The following ZNF397 variants were observed in gnomAD, a reference collection of about 807,000 sequenced individuals.
ZNF397 encodes zinc finger and SCAN domain-containing protein 15.
A neutral mutation model predicts 50.6 loss-of-function variants in ZNF397; 38 were observed. The observed-to-expected ratio is 0.75, with a 90% CI of 0.58 to 0.98. The LOEUF (loss-of-function observed/expected upper bound fraction) is 0.98, where lower values mean the gene tolerates loss of function less well. ZNF397 is among the 50% of genes least tolerant of loss of function. The pLI is 0.00. For synonymous variants in ZNF397, 228 were observed against 215.2 expected, an observed-to-expected ratio of 1.06 and a Z score of -0.52; for missense variants, 624 against 624.1, an observed-to-expected ratio of 1.00 and a Z score of 0.00.
At chr18:35,258,282 T>C in exon 6 of ZNF397, 1 of 375,936 alleles carries the variant, frequency 2.7e-6, no homozygotes, top group Non-Finnish European at 4.9e-6. Flanking sequence ...TAAATTTTGC[T>C]AAGTCCAAGG....
intron 2 of ZNF397, 53 bp downstream of exon 2, chr18:35,242,937 T>A: frequency 6.4e-7 from 1 of 1,552,090 alleles, no homozygotes; most frequent in Non-Finnish European, 8.7e-7. Context: ...CTGGAGCATG[T>A]AATGGTATCA....
downstream of ZNF397, chr18:35,251,883 GTCT>G (rs1261376307): frequency 1.3e-5 from 2 of 152,030 alleles, no homozygotes; most frequent in East Asian, 1.9e-4. Context: ...TGATCACCAA[GTCT>G]TCTTTAGAAA....
At chr18:35,254,147 T>C (rs745748257), downstream of ZNF397, 25 of 1,614,196 alleles carry the variant, frequency 1.5e-5, no homozygotes, top group Non-Finnish European at 2.0e-5. Flanking sequence ...GATTCTTCTG[T>C]TGAAGGTTGC....
At position 35,243,242 on chromosome 18, in the gene ZNF397, C is replaced by G. The variant is rs369217005; in HGVS notation, c.505C>G (p.Pro169Ala). 2 of 1,614,082 alleles carry G rather than the reference C, an allele frequency of 1.2e-6. No homozygotes were observed. Among genetic ancestry groups the G allele is most frequent in the African/African-American group, 2.7e-5 (2 of 74,924 alleles). Residue 169 changes from proline (P) to alanine (A), a missense_variant, in exon 3 of 4, where the codon CCC (proline) becomes GCC (alanine). Transcript: ENST00000330501. Reference protein sequence around the residue: ...SQESTDIHLQPLKTQLKSWKP... With the variant: ...SQESTDIHLQALKTQLKSWKP... The stretch of plus-strand genomic sequence containing the variant: ...AGAGTCAACAGACATCCACCTCCAG[C>G]CCTTAAAGACACAGCTGAAATCCTG...
At position 35,247,903 on chromosome 18, in the gene ZNF397, C is replaced by T. The variant is rs2043509021; in HGVS notation, c.*1593C>T. On this transcript the variant is annotated 3_prime_UTR_variant, in exon 4 of 4. Coordinates refer to ENST00000330501, the MANE Select transcript of ZNF397 (RefSeq NM_001135178.3). ...CAGGCTGGTCTCGAATTCTCGATCT[C>T]AGGTGATCCGCCCGCCTCGGCCCCC... is the stretch of plus-strand genomic sequence containing the variant. 1 of 152,134 alleles carries T rather than the reference C, an allele frequency of 6.6e-6. No individual in the cohort carries two copies. Among genetic ancestry groups the T allele is most frequent in the African/African-American group, 2.4e-5 (1 of 41,418 alleles). The allele number at this position is 152,134 out of a possible 1,614,324, so 9.4% of individuals were successfully genotyped here. A position where few individuals can be genotyped will look rare whatever the true frequency, so the allele number is the denominator to read the frequency against.
At chr18:35,257,857 G>C (rs1269143491) in intron 5 of ZNF397, 6 of 780,660 alleles carry the variant, frequency 7.7e-6, no homozygotes, top group Non-Finnish European at 1.2e-5. Context: ...ACCAAGCCTA[G>C]ACTGTAACTG....
At position 35,242,547 on chromosome 18, in the gene ZNF397, T is replaced by C. The variant is rs753507289; in HGVS notation, c.77T>C (p.Val26Ala). ...GAACAAGAACTAATACTAGTGAAAGTAGAAGATAACTTTTCCTGGGATGAG... is the reference window on the plus strand; with the variant it reads ...GAACAAGAACTAATACTAGTGAAAGCAGAAGATAACTTTTCCTGGGATGAG... ...PPEQELILVK[V>A]EDNFSWDEKF... is the part of the protein sequence containing the mutation. Residue 26 changes from valine to alanine, a missense_variant, in exon 2 of 4, where the codon GTA becomes GCA. Physicochemically the swap from Val to Ala is moderately conservative, Grantham distance 64. Coordinates refer to ENST00000330501, the MANE Select transcript of ZNF397 (RefSeq NM_001135178.3). 1.2e-6 allele frequency: 2 copies of C among 1,614,180 alleles called. No individual in the cohort carries two copies. Among genetic ancestry groups the C allele is most frequent in the East Asian group, 2.2e-5 (1 of 44,882 alleles).
rs182251245 is a variant in ZNF397, at chr18:35,247,212, C to T, written c.*902C>T. The stretch of plus-strand genomic sequence containing the variant: ...TTAAGCAGTGCCAATGGAGAAGTTC[C>T]TGTTAATAGACAAAACCTGGAGCCC... On this transcript the variant is annotated 3_prime_UTR_variant, in exon 4 of 4. Transcript: ENST00000330501. 2.3e-4 allele frequency: 223 copies of T among 982,628 alleles called. No individual in the cohort carries two copies. Among genetic ancestry groups the T allele is most frequent in the African/African-American group, 1.7e-3 (100 of 57,264 alleles). 60.9% of individuals were successfully genotyped at this position (982,628 alleles called of 1,614,324 possible).
rs1355828544 is a variant in ZNF397 at position 35,245,792 on chromosome 18, C to T, written c.1087C>T (p.His363Tyr). ...AGCCCTCATTAGACATCGGAAAATCCATACTGGTGAGAAAGCTTGTAAATG... is the reference window on the plus strand; with the variant it reads ...AGCCCTCATTAGACATCGGAAAATCTATACTGGTGAGAAAGCTTGTAAATG... ...SSALIRHRKIHTGEKACKCNE... is the reference protein window; with the variant it reads ...SSALIRHRKIYTGEKACKCNE... The change falls in exon 4 of 4, where the codon CAT becomes TAT. Residue 363 changes from histidine to tyrosine, a missense_variant. His to Tyr is a moderately conservative substitution (Grantham distance 83, BLOSUM62 2). Transcript: ENST00000330501. 2.6e-6 allele frequency: 4 copies of T among 1,552,050 alleles called. No homozygotes were observed. Among genetic ancestry groups the T allele is most frequent in the Non-Finnish European group, 3.5e-6 (4 of 1,147,146 alleles).
At chr18:35,258,268 C>T (rs920420188) in exon 6 of ZNF397, 11 of 388,710 alleles carry the variant, frequency 2.8e-5, no homozygotes, top group Admixed American at 4.1e-5. Flanking sequence ...AAATGGAGAA[C>T]GAGTAAATTT....
chr18:35,247,127 C>T lies in ZNF397; in HGVS notation c.*817C>T. 5.1e-6 allele frequency: 5 copies of T among 985,482 alleles called. No homozygotes were observed. The highest frequency in any genetic ancestry group is 9.4e-5 in the South Asian group (2 of 21,288). 61.0% of individuals were successfully genotyped at this position (985,482 alleles called of 1,614,324 possible). ...GCCAGAAACAAAGTGTGGAGCATTC[C>T]TTGAGTTCCTGTTGTAGTGAGGTCT... On this transcript the variant is annotated 3_prime_UTR_variant, in exon 4 of 4. Coordinates refer to ENST00000330501, the MANE Select transcript of ZNF397 (RefSeq NM_001135178.3).
chr18:35,241,059 C>T lies in ZNF397; in HGVS notation c.-131C>T, dbSNP rs969328209. ...GTACGCGCACTTCCGGTCTTTGTGG[C>T]TTGCAGCTCGGGGTGGGTGGCTCAT... On this transcript the variant is annotated 5_prime_UTR_variant, in exon 1 of 4. Coordinates refer to ENST00000330501, the MANE Select transcript of ZNF397 (RefSeq NM_001135178.3). 4 of 152,392 alleles carry T rather than the reference C, an allele frequency of 2.6e-5. No individual in the cohort carries two copies. The highest frequency in any genetic ancestry group is 5.9e-5 in the Non-Finnish European group (4 of 68,162). The allele number at this position is 152,392 out of a possible 1,614,324, so 9.4% of individuals were successfully genotyped here.
At chr18:35,250,816 C>T (rs1489532003), downstream of ZNF397, among the ~76,000 whole-genome samples, 1 of 152,204 alleles carries the variant, frequency 6.6e-6, no homozygotes, top group Non-Finnish European at 1.5e-5. Context: ...GTTTAAGAGG[C>T]TCCTTCTTGC....
chr18:35,253,169 G>C (rs941105693), downstream of ZNF397: 1 of 271,474 alleles, frequency 3.7e-6, no homozygotes, highest in African/African-American at 2.2e-5. Flanking sequence ...AGTTGGCAGA[G>C]AGTGGAGTGA....
At chr18:35,255,311 T>G (rs533770832) in intron 5 of ZNF397, among the ~76,000 whole-genome samples, 2 of 151,690 alleles carry the variant, frequency 1.3e-5, no homozygotes, top group Non-Finnish European at 2.9e-5. Context: ...ATCTACTAGT[T>G]ATATCTAGAG....
Position 35,247,113 on chromosome 18 carries a change from AGT to A in ZNF397, c.*807_*808del. ...AACAGTAGCCAAAGGCCAGAAACAA[AGT>A]GTGGAGCATTCCTTGAGTTCCTGTT... On this transcript the variant is annotated 3_prime_UTR_variant, in exon 4 of 4. Coordinates refer to ENST00000330501, the MANE Select transcript of ZNF397 (RefSeq NM_001135178.3). 2 of 985,522 alleles carry A rather than the reference AGT, an allele frequency of 2.0e-6. No individual in the cohort carries two copies. The highest frequency in any genetic ancestry group is 4.7e-5 in the South Asian group (1 of 21,290). The allele number at this position is 985,522 out of a possible 1,614,324, so 61.0% of individuals were successfully genotyped here.
chr18:35,251,097 A>G (rs1334922212), downstream of ZNF397: 2 of 152,220 alleles, frequency 1.3e-5, no homozygotes, highest in Non-Finnish European at 2.9e-5. Flanking sequence ...TACATCTTGC[A>G]TTACATTCTA....
chr18:35,241,082 C>T lies in ZNF397; in HGVS notation c.-108C>T, dbSNP rs1294532207. ...GGCTTGCAGCTCGGGGTGGGTGGCT[C>T]ATTTCCTGGCCGCTCCTGGGCTTCG... is the stretch of plus-strand genomic sequence containing the variant. On this transcript the variant is annotated 5_prime_UTR_variant, in exon 1 of 4. Transcript: ENST00000330501. 6.6e-6 allele frequency: 1 copy of T among 152,386 alleles called. No homozygotes were observed. The highest frequency in any genetic ancestry group is 6.5e-5 in the Admixed American group (1 of 15,278). 9.4% of individuals were successfully genotyped at this position (152,386 alleles called of 1,614,324 possible). A position where few individuals can be genotyped will look rare whatever the true frequency, so the allele number is the denominator to read the frequency against.
chr18:35,258,874 A>G (rs1418424332), downstream of ZNF397: 1 of 125,230 alleles, frequency 8.0e-6, no homozygotes, highest in African/African-American at 3.6e-5. Context: ...CATCTCAAAA[A>G]AAAAAAAAAA....
Sources: gnomAD v4.1 joint callset for allele counts (sites outside exome capture counted in the v4.1 genomes callset) on GRCh38, gnomAD v4.1.1 for gene constraint, MANE v1.5 for transcripts, NCBI Gene and HGNC (gene_info 2026-07-23, HGNC 2026-07-21) for gene names.